Variants in IL23R observed in about 807,000 individuals in gnomAD.
IL23R encodes interleukin-23 receptor.
A neutral mutation model predicts 56.9 loss-of-function variants in IL23R; 34 were observed. The ratio of observed to expected loss-of-function variants is 0.60; its 90% CI spans 0.45 to 0.80. The LOEUF (loss-of-function observed/expected upper bound fraction) is 0.80. Among genes scored for constraint, IL23R ranks in the 30% least tolerant of loss-of-function variants. The pLI is 0.00. For synonymous variants in IL23R, 230 were observed against 249.2 expected, an observed-to-expected ratio of 0.92 and a Z score of 0.73; for missense variants, 635 against 730.0, an observed-to-expected ratio of 0.87 and a Z score of 1.50.
intron 5 of IL23R, among the ~76,000 whole-genome samples, chr1:67,204,601 G>C (rs1648879439): frequency 6.6e-6 from 1 of 152,022 alleles, no homozygotes; most frequent in African/African-American, 2.4e-5. Context: ...TTGCCAAAAG[G>C]GTCCTAGAAT....
chr1:67,229,874 G>C lies in IL23R; in HGVS notation c.956-6839G>C, dbSNP rs568018230. 1.9e-4 allele frequency among the ~76,000 whole-genome samples: 29 copies of C among 152,232 alleles called. 1 individual carries two copies. Among genetic ancestry groups the C allele is most frequent in the African/African-American group, 7.0e-4 (29 of 41,554 alleles). On this transcript the variant is annotated intron_variant, in intron 7 of 10. Transcript: ENST00000347310. ...ACCTCCCCAACCACTACCACCAATT[G>C]CAGTTTTTACTAGTCAGGATGATTA...
intron 1 of IL23R, among the ~76,000 whole-genome samples, chr1:67,153,764 G>A (rs1399991909): frequency 7.5e-6 from 1 of 133,302 alleles, no homozygotes; most frequent in Admixed American, 8.3e-5. Flanking sequence ...TTTTGAGTGA[G>A]TTTCTTTTCT....
intron 2 of IL23R, among the ~76,000 whole-genome samples, chr1:67,169,003 T>C (rs1200785432): frequency 2.0e-5 from 3 of 151,892 alleles, no homozygotes; most frequent in East Asian, 3.9e-4. Flanking sequence ...TAGCCGGGCG[T>C]GGTGGTGCTC....
rs1232969090 is a variant in IL23R, at chr1:67,222,019, A to T, written c.955+2289A>T. The stretch of plus-strand genomic sequence containing the variant: ...ACTCTGCTTCTATTTAAAAAAAATA[A>T]AAATAAATAGAAATTAAATTTAAAA... On this transcript the variant is annotated intron_variant, in intron 7 of 10. Transcript: ENST00000347310. 4.0e-4 allele frequency among the ~76,000 whole-genome samples: 61 copies of T among 151,954 alleles called. 1 individual carries two copies. The highest frequency in any genetic ancestry group is 4.0e-3 in the Admixed American group (61 of 15,246).
At chr1:67,181,616 G>A (rs996392655) in intron 3 of IL23R, among the ~76,000 whole-genome samples, 8 of 152,288 alleles carry the variant, frequency 5.3e-5, no homozygotes, top group Non-Finnish European at 1.0e-4. Flanking sequence ...ATCTTCTGAA[G>A]CCTTCTTCTC....
At chr1:67,203,910 T>A (rs1222641843) in intron 5 of IL23R, among the ~76,000 whole-genome samples, 1 of 152,188 alleles carries the variant, frequency 6.6e-6, no homozygotes, top group Non-Finnish European at 1.5e-5. Flanking sequence ...GTACAGAAAT[T>A]GCTGTGCTTT....
intron 6 of IL23R, among the ~76,000 whole-genome samples, chr1:67,217,413 G>A (rs1455233889): frequency 1.3e-5 from 2 of 152,062 alleles, no homozygotes; most frequent in African/African-American, 2.4e-5. Flanking sequence ...GTTCCATAAC[G>A]TTCTTCTTAC....
rs1428507949 is a variant in IL23R, at chr1:67,227,961, T to C, written c.955+8231T>C. ...AAAGATCTTTCTTTCTTTCTTTCTT[T>C]CTTTCTTTCTTTCTTTCTTTCTTTC... On this transcript the variant is annotated intron_variant, in intron 7 of 10. Coordinates refer to ENST00000347310, the MANE Select transcript of IL23R (RefSeq NM_144701.3). 9.9e-4 allele frequency among the ~76,000 whole-genome samples: 37 copies of C among 37,472 alleles called. 5 individuals are homozygous for C. The highest frequency in any genetic ancestry group is 4.3e-3 in the South Asian group (5 of 1,156). The allele number at this position is 37,472 out of a possible 152,430, so 24.6% of individuals were successfully genotyped here. A position where few individuals can be genotyped will look rare whatever the true frequency, so the allele number is the denominator to read the frequency against.
At chr1:67,192,753 C>T (rs78444282) in intron 4 of IL23R, among the ~76,000 whole-genome samples, 2,123 of 152,248 alleles carry the variant, frequency 0.014, 42 homozygotes, top group Middle Eastern at 0.02. Context: ...ATCAGCAAAA[C>T]CTTCCGGCTC....
chr1:67,194,202 A>G (rs1647952782), intron 4 of IL23R, among the ~76,000 whole-genome samples: 1 of 152,048 alleles, frequency 6.6e-6, no homozygotes, highest in Non-Finnish European at 1.5e-5. Context: ...AGGCTTCATT[A>G]CATAAGCACG....
At chr1:67,228,705 A>C (rs1456290735) in intron 7 of IL23R, among the ~76,000 whole-genome samples, 1 of 152,156 alleles carries the variant, frequency 6.6e-6, no homozygotes, top group Non-Finnish European at 1.5e-5. Flanking sequence ...GGACAGAATC[A>C]GTTTCATTGC....
At chr1:67,211,434 A>C (rs145368595) in intron 6 of IL23R, among the ~76,000 whole-genome samples, 99 of 152,332 alleles carry the variant, frequency 6.5e-4, no homozygotes, top group African/African-American at 2.3e-3. Flanking sequence ...CAGACTGGCC[A>C]TCATGGCAAA....
chr1:67,255,522 T>C (rs1652893157), intron 9 of IL23R, among the ~76,000 whole-genome samples: 1 of 152,134 alleles, frequency 6.6e-6, no homozygotes, highest in South Asian at 2.1e-4. Context: ...CACTACAGCC[T>C]TGACCTCCCA....
intron 1 of IL23R, among the ~76,000 whole-genome samples, chr1:67,156,910 G>A (rs1459346053): frequency 6.6e-6 from 1 of 152,068 alleles, no homozygotes; most frequent in African/African-American, 2.4e-5. Flanking sequence ...GCCAAGTTTT[G>A]TGCCTGAAAC....
chr1:67,261,872 C>T (rs2000252), downstream of IL23R, among the ~76,000 whole-genome samples: 42,135 of 152,122 alleles, frequency 0.28, 6,572 homozygotes, highest in African/African-American at 0.4. Context: ...GCCTCCTTTT[C>T]GCCCCCTAGA....
intron 6 of IL23R, among the ~76,000 whole-genome samples, chr1:67,219,345 G>T (rs1040690934): frequency 2.6e-5 from 4 of 152,114 alleles, no homozygotes; most frequent in East Asian, 3.9e-4. Flanking sequence ...TCCAGCCTGG[G>T]CAATAGAGCG....
intron 1 of IL23R, among the ~76,000 whole-genome samples, chr1:67,145,384 C>T (rs1431302750): frequency 2.0e-5 from 3 of 152,142 alleles, no homozygotes; most frequent in African/African-American, 7.2e-5. Flanking sequence ...CTACCATACC[C>T]TAATATGGTA....
chr1:67,181,711 G>C (rs1486124757), intron 3 of IL23R, among the ~76,000 whole-genome samples: 1 of 152,104 alleles, frequency 6.6e-6, no homozygotes, highest in East Asian at 1.9e-4. Flanking sequence ...GAGGCGCTCT[G>C]ATTTTTAGAA....
chr1:67,214,258 T>TA (rs1481320574), intron 6 of IL23R, among the ~76,000 whole-genome samples: 1 of 151,624 alleles, frequency 6.6e-6, no homozygotes, highest in African/African-American at 2.4e-5. Context: ...ATAACTAGCT[T>TA]TTCAAAGTTG....
Sources: allele counts gnomAD v4.1 joint callset (sites outside exome capture counted in the v4.1 genomes callset), GRCh38; gene constraint gnomAD v4.1.1; transcripts MANE v1.5; gene names NCBI Gene and HGNC (gene_info 2026-07-23, HGNC 2026-07-21).